TMEM67: variants seen among roughly 807,000 people sequenced by gnomAD.
TMEM67 encodes the protein transmembrane protein 67.
Under a neutral mutation model 136.6 loss-of-function variants are expected in TMEM67, and 124 were observed. The ratio of observed to expected loss-of-function variants is 0.91; its 90% CI spans 0.78 to 1.05. The LOEUF is 1.05. TMEM67 is among the 50% of genes least tolerant of loss of function. The probability of loss-of-function intolerance (pLI) is 0.00; values close to 1 mark genes in which losing one functional copy is unlikely to be tolerated. For missense variants in TMEM67, 1,107 were observed against 1,178.4 expected (o/e 0.94, Z 0.89); for synonymous variants, 364 against 390.5 (o/e 0.93, Z 0.80).
intron 14 of TMEM67, among the ~76,000 whole-genome samples, chr8:93,789,344 AT>A (rs1814265313): frequency 6.6e-6 from 1 of 152,182 alleles, no homozygotes; most frequent in South Asian, 2.1e-4. Flanking sequence ...ATACACTGTA[AT>A]GAGAGGAGAA....
intron 7 of TMEM67, among the ~76,000 whole-genome samples, chr8:93,777,265 G>A (rs1813591247): frequency 6.6e-6 from 1 of 152,018 alleles, no homozygotes; most frequent in African/African-American, 2.4e-5. Context: ...AGTCTCGCTA[G>A]CGGTCTATCA....
chr8:93,791,215 G>A (rs766910184), intron 14 of TMEM67, 48 bp from the exon 15 acceptor site: 1 of 1,260,604 alleles, frequency 7.9e-7, no homozygotes, highest in East Asian at 2.4e-5. Flanking sequence ...AAATAAGTTT[G>A]TATCATATAA....
intron 22 of TMEM67, among the ~76,000 whole-genome samples, chr8:93,804,310 C>CT (rs1182297223): frequency 0.023 from 2,124 of 93,818 alleles, 92 homozygotes; most frequent in South Asian, 0.035. Flanking sequence ...CTTTTCTTTT[C>CT]TTTTTTTTTT....
At chr8:93,786,131 T>C in intron 12 of TMEM67, 92 bp from the exon 13 acceptor site, 4 of 1,271,500 alleles carry the variant, frequency 3.1e-6, no homozygotes, top group Non-Finnish European at 4.5e-6. Context: ...AGGTGTTTCT[T>C]ATACTAGTAG....
At chr8:93,780,376 C>T (rs1475176205) in intron 7 of TMEM67, among the ~76,000 whole-genome samples, 2 of 152,114 alleles carry the variant, frequency 1.3e-5, no homozygotes, top group Non-Finnish European at 2.9e-5. Context: ...TGGGCTGCAC[C>T]CACTGTCCAA....
chr8:93,755,102 T>C lies in TMEM67; in HGVS notation c.188T>C (p.Val63Ala). The C allele has an allele frequency of 1.2e-6, 2 of 1,614,234 alleles. No individual in the cohort carries two copies. Among genetic ancestry groups the C allele is most frequent in the Non-Finnish European group, 1.7e-6 (2 of 1,180,046 alleles). The part of the protein sequence containing the change: ...QYFDISALSC[V>A]PCGANQRQDA... ...TTTGATATCTCCGCCCTCTCGTGTGTTCCTTGTGGAGCTAACCAGAGGCAA... is the reference window on the plus strand; with the variant it reads ...TTTGATATCTCCGCCCTCTCGTGTGCTCCTTGTGGAGCTAACCAGAGGCAA... Residue 63 changes from valine to alanine, a missense_variant, in exon 1 of 28, where the codon GTT (valine) becomes GCT (alanine). By Grantham distance (64) the Val-to-Ala change is moderately conservative. Around this residue, in one of 3 missense-constraint regions of TMEM67, gnomAD observed 178 missense variants for 159.2 expected, o/e 1.12. Transcript: ENST00000453321.
chr8:93,780,529 A>C, intron 7 of TMEM67, 64 bp from the exon 8 acceptor site: 1 of 1,603,000 alleles, frequency 6.2e-7, no homozygotes, highest in Non-Finnish European at 8.5e-7. Flanking sequence ...TAAAATTTTT[A>C]TATCAACTTT....
chr8:93,780,449 G>A (rs922285107), intron 7 of TMEM67, 144 bp from the exon 8 acceptor site: 68 of 844,100 alleles, frequency 8.1e-5, no homozygotes, highest in Admixed American at 2.7e-4. Context: ...TGCCTTCTGC[G>A]TTGATTATGC....
At chr8:93,791,464 T>C in intron 15 of TMEM67, 145 bp downstream of exon 15, 1 of 614,996 alleles carries the variant, frequency 1.6e-6, no homozygotes, top group Non-Finnish European at 2.9e-6. Context: ...CTTAGTACAA[T>C]GATCATAATC....
downstream of TMEM67, among the ~76,000 whole-genome samples, chr8:93,818,469 G>T: frequency 6.6e-6 from 1 of 152,188 alleles, no homozygotes; most frequent in East Asian, 1.9e-4. Context: ...AGAAGGCTTT[G>T]CTGATGACCT....
intron 21 of TMEM67, 88 bp from the exon 22 acceptor site, chr8:93,803,516 T>G (rs1257017101): frequency 1.2e-6 from 1 of 852,180 alleles, no homozygotes; most frequent in East Asian, 2.6e-5. Flanking sequence ...TGGTTGGAAC[T>G]TTTTTTTCTT....
At chr8:93,774,473 T>C (rs2130631465) in intron 7 of TMEM67, among the ~76,000 whole-genome samples, 1 of 152,310 alleles carries the variant, frequency 6.6e-6, no homozygotes, top group East Asian at 1.9e-4. Context: ...TAACTCGTCA[T>C]TTACATTAGG....
intron 21 of TMEM67, among the ~76,000 whole-genome samples, chr8:93,801,507 T>A (rs960476337): frequency 5.3e-5 from 8 of 152,014 alleles, no homozygotes; most frequent in Admixed American, 5.2e-4. Flanking sequence ...GTTCAAGCGA[T>A]TCTCCTGCCT....
intron 7 of TMEM67, among the ~76,000 whole-genome samples, chr8:93,774,226 G>A (rs2130629987): frequency 6.6e-6 from 1 of 152,212 alleles, no homozygotes; most frequent in South Asian, 2.1e-4. Flanking sequence ...CATAGGACAG[G>A]CTGCTCTCAA....
At chr8:93,758,868 G>A (rs936995348) in intron 3 of TMEM67, 3 of 328,366 alleles carry the variant, frequency 9.1e-6, no homozygotes, top group African/African-American at 4.2e-5. Context: ...TAAAGTGCTG[G>A]GATTATAGGC....
chr8:93,778,761 A>G (rs923651282), intron 7 of TMEM67, among the ~76,000 whole-genome samples: 7 of 152,116 alleles, frequency 4.6e-5, no homozygotes, highest in African/African-American at 1.4e-4. Flanking sequence ...GGGTAACCCA[A>G]CCTTTCTCTC....
intron 6 of TMEM67, among the ~76,000 whole-genome samples, chr8:93,767,742 G>C (rs370650294): frequency 5.2e-5 from 4 of 76,526 alleles, no homozygotes; most frequent in Non-Finnish European, 8.5e-5. Flanking sequence ...TTTTTTTTTT[G>C]ACATGTCCCC....
the TMEM67 span, among the ~76,000 whole-genome samples, chr8:93,826,375 C>T: frequency 2.0e-5 from 3 of 151,812 alleles, no homozygotes; most frequent in Non-Finnish European, 2.9e-5. Context: ...ATGATCCGCC[C>T]GCCTCGGCTT....
At chr8:93,773,282 T>A (rs998747506) in intron 7 of TMEM67, among the ~76,000 whole-genome samples, 1 of 151,738 alleles carries the variant, frequency 6.6e-6, no homozygotes, top group African/African-American at 2.4e-5. Flanking sequence ...TGGAGCAGAG[T>A]GAGCAGGGAA....
Sources: allele counts gnomAD v4.1 joint callset (sites outside exome capture counted in the v4.1 genomes callset), GRCh38; gene constraint gnomAD v4.1.1; regional missense constraint gnomAD v4.1.1; transcripts MANE v1.5; gene names NCBI Gene and HGNC (gene_info 2026-07-23, HGNC 2026-07-21).